The following STAP2 variants were observed in gnomAD, a reference collection of about 807,000 sequenced individuals.
The protein encoded by STAP2 is signal transducing adaptor family member 2, also known as signal-transducing adaptor protein 2.
In STAP2, 58 loss-of-function variants were observed where a neutral mutation model predicts 52.7. The observed-to-expected ratio is 1.10, with a 90% CI of 0.89 to 1.37. The LOEUF (loss-of-function observed/expected upper bound fraction) is 1.37. Ranked by LOEUF, STAP2 falls within the 40% of genes most tolerant of loss-of-function variation. The pLI is 0.00. For synonymous variants in STAP2, 231 were observed against 210.5 expected (o/e 1.10, Z -0.84); for missense variants, 522 against 519.4 (o/e 1.00, Z -0.05).
chr19:4,328,612 C>G (rs544931031), intron 6 of STAP2, 63 bp downstream of exon 6: 3 of 1,535,900 alleles, frequency 2.0e-6, no homozygotes, highest in Admixed American at 2.0e-5. Context: ...TCTGACCACG[C>G]CCCCGCGCCC....
intron 5 of STAP2, among the ~76,000 whole-genome samples, chr19:4,329,659 A>G (rs1971856001): frequency 6.6e-6 from 1 of 151,874 alleles, no homozygotes; most frequent in Non-Finnish European, 1.5e-5. Flanking sequence ...GAGACGAAGC[A>G]TCACCTTCTA....
chr19:4,338,540 C>G (rs1225662139), intron 1 of STAP2, 112 bp downstream of exon 1: 1 of 1,032,064 alleles, frequency 9.7e-7, no homozygotes, highest in African/African-American at 1.6e-5. Context: ...TGTCCTGCCC[C>G]ATCCAGCACC....
At position 4,328,784 on chromosome 19, in the gene STAP2, C is replaced by T. The variant is rs1761045005; in HGVS notation, c.481G>A (p.Glu161Lys). 1 of 1,611,206 alleles carries T rather than the reference C, an allele frequency of 6.2e-7. No individual in the cohort carries two copies. Among genetic ancestry groups the T allele is most frequent in the African/African-American group, 1.3e-5 (1 of 74,890 alleles). ...TAGCGCTCCAGGAGCAGTTGTGCCT[C>T]CAGCCGGCTCACCTTCAGGAAGCAC... ...PSCFLKVSRLEAQLLLERYPE... is the reference protein window; with the variant it reads ...PSCFLKVSRLKAQLLLERYPE... The change falls in exon 6 of 13, where the codon GAG becomes AAG. Residue 161 changes from glutamate to lysine, a missense_variant. Coordinates refer to ENST00000594605, the MANE Select transcript of STAP2 (RefSeq NM_001013841.2).
At chr19:4,330,108 TG>T (rs1568386564) in intron 4 of STAP2, 47 bp from the exon 5 acceptor site, 3 of 1,489,948 alleles carry the variant, frequency 2.0e-6, no homozygotes, top group Non-Finnish European at 2.8e-6. Flanking sequence ...CAGCCGGGAA[TG>T]GACGGCTGTG....
At chr19:4,333,473 G>A (rs893798072) in intron 3 of STAP2, among the ~76,000 whole-genome samples, 2 of 152,182 alleles carry the variant, frequency 1.3e-5, no homozygotes, top group Non-Finnish European at 2.9e-5. Context: ...TCCAGCCTGG[G>A]TGACAGGGCG....
chr19:4,332,276 C>T (rs1199817901), intron 3 of STAP2, among the ~76,000 whole-genome samples, 198 bp from the exon 4 acceptor site: 1 of 134,918 alleles, frequency 7.4e-6, no homozygotes, highest in Non-Finnish European at 1.5e-5. Context: ...GGCGCGATCT[C>T]AGCTCACTGC....
chr19:4,328,709 C>T lies in STAP2; in HGVS notation c.556G>A (p.Gly186Ser), dbSNP rs757979984. Reference sequence around the variant, plus strand: ...ATCTGCCGCGTGGTGACCGACACGCCGTCGGCGCCGTCCCCGCTGGGCCGC... The same window carrying T: ...ATCTGCCGCGTGGTGACCGACACGCTGTCGGCGCCGTCCCCGCTGGGCCGC... The part of the protein sequence containing the change: ...LLRPSGDGAD[G>S]VSVTTRQMHN... Residue 186 changes from glycine to serine, a missense_variant, in exon 6 of 13, where the codon GGC (glycine) becomes AGC (serine). Physicochemically the swap from Gly to Ser is moderately conservative, Grantham distance 56. Coordinates refer to ENST00000594605, the MANE Select transcript of STAP2 (RefSeq NM_001013841.2). 2.4e-4 allele frequency: 386 copies of T among 1,606,150 alleles called. No homozygotes were observed. Among genetic ancestry groups the T allele is most frequent in the Non-Finnish European group, 3.2e-4 (376 of 1,177,252 alleles).
chr19:4,331,271 G>A lies in STAP2; in HGVS notation c.354+751C>T, dbSNP rs189848838. 2.0e-3 allele frequency among the ~76,000 whole-genome samples: 307 copies of A among 152,314 alleles called. 2 individuals are homozygous for A. Among genetic ancestry groups the A allele is most frequent in the Non-Finnish European group, 3.3e-3 (225 of 68,026 alleles). On this transcript the variant is annotated intron_variant, in intron 4 of 12. Transcript: ENST00000594605. ...TTGAGCCTGGGAGTTGGAGGCTGCA[G>A]TGAGCTATGATCACACCACTGCACT...
At chr19:4,327,566 C>T (rs564173215) in intron 6 of STAP2, among the ~76,000 whole-genome samples, 181 bp from the exon 7 acceptor site, 1 of 152,054 alleles carries the variant, frequency 6.6e-6, no homozygotes, top group East Asian at 1.9e-4. Flanking sequence ...CCCCGTTGAC[C>T]TCCCGGAGCA....
At position 4,325,379 on chromosome 19, in the gene STAP2, C is replaced by T. The variant is rs757177114; in HGVS notation, c.979+17G>A. The T allele has an allele frequency of 1.9e-6, 3 of 1,614,208 alleles. No homozygotes were observed. The highest frequency in any genetic ancestry group is 3.3e-4 in the Middle Eastern group (2 of 6,062). On this transcript the variant is annotated intron_variant, in intron 10 of 12. Coordinates refer to ENST00000594605, the MANE Select transcript of STAP2 (RefSeq NM_001013841.2). ...TTCCCCAACCCCCAGCTCTCAGCAGCTCTGTTCCCCACCCACCATCTTGGT... is the reference window on the plus strand; with the variant it reads ...TTCCCCAACCCCCAGCTCTCAGCAGTTCTGTTCCCCACCCACCATCTTGGT...
At chr19:4,330,524 C>T (rs974486873) in intron 4 of STAP2, among the ~76,000 whole-genome samples, 1 of 148,274 alleles carries the variant, frequency 6.7e-6, no homozygotes, top group African/African-American at 2.5e-5. Flanking sequence ...CTCCGTTCCC[C>T]GCTCCCCAAC....
At position 4,324,470 on chromosome 19, in the gene STAP2, G is replaced by C. The variant is rs1368719394; in HGVS notation, c.1132C>G (p.Leu378Val). The C allele has an allele frequency of 6.4e-7, 1 of 1,573,232 alleles. No individual in the cohort carries two copies. The highest frequency in any genetic ancestry group is 8.6e-7 in the Non-Finnish European group (1 of 1,157,182). ...GACCCCTTACCGGCTGTGGGGAAGA[G>C]AGGCTGGGCTGAACTGACTGGCAGC... ...RKLPVSSAQPLFPTAGLADMT... is the reference protein window; with the variant it reads ...RKLPVSSAQPVFPTAGLADMT... The change falls in exon 12 of 13, where the codon CTC becomes GTC. Residue 378 changes from leucine (L) to valine (V), a missense_variant. Physicochemically the swap from Leu to Val is conservative, Grantham distance 32 (BLOSUM62 1). Transcript: ENST00000594605.
chr19:4,325,201 G>A lies in STAP2; in HGVS notation c.1072+15C>T, dbSNP rs750542464. The stretch of plus-strand genomic sequence containing the variant: ...CTGCCATCAGGTGAGGGTGGGATAT[G>A]GGGGGGACCCCAACCTGGCTTGGGT... On this transcript the variant is annotated intron_variant, in intron 11 of 12. Transcript: ENST00000594605. 2 of 1,564,672 alleles carry A rather than the reference G, an allele frequency of 1.3e-6. No homozygotes were observed. The highest frequency in any genetic ancestry group is 1.4e-5 in the African/African-American group (1 of 73,608).
intron 2 of STAP2, 41 bp downstream of exon 2, chr19:4,333,932 C>T (rs746285235): frequency 1.9e-6 from 3 of 1,610,666 alleles, no homozygotes; most frequent in Non-Finnish European, 2.5e-6. Flanking sequence ...TCTCTGGGCT[C>T]AAGGGAAGGC....
At chr19:4,329,770 T>C (rs561006918) in intron 5 of STAP2, among the ~76,000 whole-genome samples, 191 bp downstream of exon 5, 123 of 151,894 alleles carry the variant, frequency 8.1e-4, no homozygotes, top group African/African-American at 2.8e-3. Context: ...GACCCGCTCC[T>C]GGAGATCCTG....
At position 4,329,440 on chromosome 19, in the gene STAP2, A is replaced by T. The variant is rs116765140; in HGVS notation, c.455+521T>A. On this transcript the variant is annotated intron_variant, in intron 5 of 12. Coordinates refer to ENST00000594605, the MANE Select transcript of STAP2 (RefSeq NM_001013841.2). ...TTCTGGCCCCGGAGATGCAGCTCCAACCCCTAGGGAGACCCAGCCCTGCCT... is the reference window on the plus strand; with the variant it reads ...TTCTGGCCCCGGAGATGCAGCTCCATCCCCTAGGGAGACCCAGCCCTGCCT... Among the ~76,000 whole-genome samples the T allele has an allele frequency of 3.9e-3, 590 of 151,338 alleles. 3 individuals are homozygous for T. The highest frequency in any genetic ancestry group is 0.013 in the African/African-American group (548 of 41,164).
chr19:4,333,705 TCTC>T lies in STAP2; in HGVS notation c.283_285del (p.Glu95del), dbSNP rs777690593. ...AGCAAGGGACCTACCTTGAACTTGA[TCTC>T]CTGATCCCGGAGAATCAGGCTGAAG... On this transcript the variant is annotated inframe_deletion, in exon 3 of 13. Transcript: ENST00000594605. 9 of 1,612,108 alleles carry T rather than the reference TCTC, an allele frequency of 5.6e-6. No homozygotes were observed. Among genetic ancestry groups the T allele is most frequent in the Non-Finnish European group, 7.6e-6 (9 of 1,179,868 alleles).
At chr19:4,329,250 C>T (rs1164343643) in intron 5 of STAP2, among the ~76,000 whole-genome samples, 2 of 151,954 alleles carry the variant, frequency 1.3e-5, no homozygotes, top group African/African-American at 2.4e-5. Flanking sequence ...CAGGCGTGAG[C>T]CACTGCATCT....
At position 4,330,382 on chromosome 19, in the gene STAP2, C is replaced by T. The variant is rs570738636; in HGVS notation, c.355-321G>A. Among the ~76,000 whole-genome samples the T allele has an allele frequency of 1.7e-3, 262 of 151,884 alleles. 1 individual carries two copies. Among genetic ancestry groups the T allele is most frequent in the African/African-American group, 5.9e-3 (244 of 41,422 alleles). ...CTAAAAATACAAAAAATTAGCCGGGCGTGGTGGCAGACACCTGTAATCCCA... is the reference window on the plus strand; with the variant it reads ...CTAAAAATACAAAAAATTAGCCGGGTGTGGTGGCAGACACCTGTAATCCCA... On this transcript the variant is annotated intron_variant, in intron 4 of 12. Transcript: ENST00000594605.
Sources: gnomAD v4.1 joint callset for allele counts (sites outside exome capture counted in the v4.1 genomes callset) on GRCh38, gnomAD v4.1.1 for gene constraint, MANE v1.5 for transcripts, NCBI Gene and HGNC (gene_info 2026-07-23, HGNC 2026-07-21) for gene names.